The following FAM168A variants were observed in gnomAD, a reference collection of about 807,000 sequenced individuals.
The protein encoded by FAM168A is protein FAM168A.
FAM168A carries 3 observed loss-of-function variants against 28.5 expected under a neutral mutation model. The observed-to-expected ratio is 0.11, with a 90% CI of 0.05 to 0.27. The LOEUF (loss-of-function observed/expected upper bound fraction) is 0.27, where lower values mean the gene tolerates loss of function less well. FAM168A is among the 10% of genes least tolerant of loss of function. FAM168A has a pLI of 1.00. For missense variants in FAM168A, 222 were observed against 311.5 expected (o/e 0.71, Z 2.16); for synonymous variants, 122 against 124.2 (o/e 0.98, Z 0.12).
chr11:73,570,578 C>T (rs982854540), intron 1 of FAM168A, among the ~76,000 whole-genome samples: 1 of 151,778 alleles, frequency 6.6e-6, no homozygotes, highest in African/African-American at 2.4e-5. Flanking sequence ...CCCACCTCTA[C>T]AAAAAATTAG....
At chr11:73,422,660 A>C (rs1345819786) in intron 3 of FAM168A, among the ~76,000 whole-genome samples, 1 of 152,192 alleles carries the variant, frequency 6.6e-6, no homozygotes, top group Non-Finnish European at 1.5e-5. Context: ...CACTTCCTAG[A>C]GATGTTTTGT....
At chr11:73,531,620 A>T (rs1943514125) in intron 1 of FAM168A, among the ~76,000 whole-genome samples, 1 of 152,098 alleles carries the variant, frequency 6.6e-6, no homozygotes. Context: ...ACCAGAGAGG[A>T]GACCTAGGTT....
intron 1 of FAM168A, among the ~76,000 whole-genome samples, chr11:73,509,485 T>C (rs113872074): frequency 2.0e-5 from 3 of 152,176 alleles, no homozygotes; most frequent in Non-Finnish European, 2.9e-5. Context: ...TGACATGTCA[T>C]GGACCTTTGA....
chr11:73,454,065 AAAG>A (rs1867482817), intron 2 of FAM168A, among the ~76,000 whole-genome samples: 1 of 152,174 alleles, frequency 6.6e-6, no homozygotes, highest in Non-Finnish European at 1.5e-5. Context: ...AGCTCCAGAG[AAAG>A]AAGCCCTGGA....
At chr11:73,591,495 G>A (rs1944381341) in intron 1 of FAM168A, among the ~76,000 whole-genome samples, 1 of 152,116 alleles carries the variant, frequency 6.6e-6, no homozygotes, top group Non-Finnish European at 1.5e-5. Flanking sequence ...TATGGCCTAA[G>A]ACAAATTACC....
At chr11:73,456,646 A>G (rs1867537856) in intron 2 of FAM168A, among the ~76,000 whole-genome samples, 1 of 152,236 alleles carries the variant, frequency 6.6e-6, no homozygotes, top group African/African-American at 2.4e-5. Flanking sequence ...GGATACCTAC[A>G]TTGGGAGCTC....
At chr11:73,472,943 T>C (rs938843753) in intron 1 of FAM168A, among the ~76,000 whole-genome samples, 1 of 152,064 alleles carries the variant, frequency 6.6e-6, no homozygotes, top group East Asian at 1.9e-4. Context: ...ATGTTTGATA[T>C]ACAATCAACA....
At chr11:73,513,213 T>A (rs570649510) in intron 1 of FAM168A, among the ~76,000 whole-genome samples, 13 of 143,008 alleles carry the variant, frequency 9.1e-5, no homozygotes, top group Admixed American at 3.5e-4. Context: ...TAATTTTTTT[T>A]TTTTTTTTTT....
At chr11:73,416,588 A>C (rs1866698508) in intron 4 of FAM168A, among the ~76,000 whole-genome samples, 2 of 152,214 alleles carry the variant, frequency 1.3e-5, no homozygotes, top group South Asian at 4.1e-4. Context: ...TAGAAGCCAC[A>C]AAATCTGAAT....
At chr11:73,593,854 T>C (rs1944411334) in intron 1 of FAM168A, among the ~76,000 whole-genome samples, 1 of 152,222 alleles carries the variant, frequency 6.6e-6, no homozygotes, top group South Asian at 2.1e-4. Context: ...CAGCTAATAG[T>C]AAGTGGTAGA....
At position 73,596,296 on chromosome 11, in the gene FAM168A, G is replaced by A. The variant is rs76665245; in HGVS notation, c.-19+1627C>T. Reference sequence around the variant, plus strand: ...TTTTTAAATACACCAGGAGGAGAGGGGAAAAGAAAAGGCAGAGACATCATA... The same window carrying A: ...TTTTTAAATACACCAGGAGGAGAGGAGAAAAGAAAAGGCAGAGACATCATA... On this transcript the variant is annotated intron_variant, in intron 1 of 7. Transcript: ENST00000356467. 3.5e-3 allele frequency among the ~76,000 whole-genome samples: 538 copies of A among 152,150 alleles called. 1 individual carries two copies. The highest frequency in any genetic ancestry group is 0.027 in the East Asian group (140 of 5,176).
At chr11:73,534,936 T>C (rs1943558903) in intron 1 of FAM168A, among the ~76,000 whole-genome samples, 2 of 152,122 alleles carry the variant, frequency 1.3e-5, no homozygotes, top group African/African-American at 2.4e-5. Flanking sequence ...GAAATGAATA[T>C]TGAGGATCCC....
intron 1 of FAM168A, among the ~76,000 whole-genome samples, chr11:73,549,694 C>T (rs1430939980): frequency 6.6e-6 from 1 of 152,230 alleles, no homozygotes; most frequent in Non-Finnish European, 1.5e-5. Context: ...AGAGCTTGTT[C>T]TACCTTATTA....
At chr11:73,517,301 G>T (rs1247921390) in intron 1 of FAM168A, among the ~76,000 whole-genome samples, 4 of 152,028 alleles carry the variant, frequency 2.6e-5, no homozygotes, top group Non-Finnish European at 1.5e-5. Flanking sequence ...AAAGTGCTGG[G>T]GTTACAGGTG....
intron 1 of FAM168A, among the ~76,000 whole-genome samples, chr11:73,544,790 TTA>T (rs1450925097): frequency 9.2e-6 from 1 of 109,230 alleles, no homozygotes; most frequent in African/African-American, 3.8e-5. Context: ...ATTATATATT[TTA>T]TATATGTAAT....
At chr11:73,445,452 T>G (rs1222938248) in intron 2 of FAM168A, among the ~76,000 whole-genome samples, 4 of 113,344 alleles carry the variant, frequency 3.5e-5, no homozygotes, top group Non-Finnish European at 7.0e-5. Flanking sequence ...TTTTTTTTGG[T>G]AGAGACAGGG....
intron 2 of FAM168A, 46 bp downstream of exon 2, chr11:73,468,359 C>T (rs1867767397): frequency 3.8e-6 from 6 of 1,576,562 alleles, no homozygotes; most frequent in Non-Finnish European, 5.2e-6. Context: ...TGGTAATATC[C>T]TTAACCACCA....
At chr11:73,421,615 TG>T (rs10712551) in intron 3 of FAM168A, among the ~76,000 whole-genome samples, 46,937 of 151,918 alleles carry the variant, frequency 0.31, 9,703 homozygotes, top group African/African-American at 0.59. Context: ...TTCTTTTCTT[TG>T]GGGGGGTGGG....
At chr11:73,482,898 C>T (rs987403724) in intron 1 of FAM168A, among the ~76,000 whole-genome samples, 9 of 152,010 alleles carry the variant, frequency 5.9e-5, no homozygotes, top group Admixed American at 2.0e-4. Context: ...GCCACCACGC[C>T]CGGCTAATTT....
Sources: gnomAD v4.1 joint callset for allele counts (sites outside exome capture counted in the v4.1 genomes callset) on GRCh38, gnomAD v4.1.1 for gene constraint, MANE v1.5 for transcripts, NCBI Gene and HGNC (gene_info 2026-07-23, HGNC 2026-07-21) for gene names.